The following TSGA10 variants were observed in gnomAD, a reference collection of about 807,000 sequenced individuals.
TSGA10 encodes testis-specific gene 10 protein.
TSGA10 carries 43 observed loss-of-function variants against 96.6 expected under a neutral mutation model. The ratio of observed to expected loss-of-function variants is 0.44; its 90% CI spans 0.35 to 0.57. The LOEUF (loss-of-function observed/expected upper bound fraction) is 0.57. TSGA10 is among the 20% of genes least tolerant of loss of function. TSGA10 has a pLI of 0.01. For synonymous variants in TSGA10, 229 were observed against 269.9 expected (o/e 0.85, Z 1.48); for missense variants, 703 against 834.4 (o/e 0.84, Z 1.94).
chr2:99,143,299 G>A (rs1039548441), intron 1 of TSGA10, among the ~76,000 whole-genome samples: 11 of 147,324 alleles, frequency 7.5e-5, no homozygotes, highest in Non-Finnish European at 1.5e-4. Flanking sequence ...CCACTACTAC[G>A]CCCAGCTTTT....
intron 17 of TSGA10, among the ~76,000 whole-genome samples, chr2:99,030,387 C>A (rs1362576791): frequency 1.3e-5 from 2 of 151,874 alleles, no homozygotes; most frequent in Admixed American, 1.3e-4. Flanking sequence ...CTGGCTAACG[C>A]CTGTAATCCC....
intron 20 of TSGA10, among the ~76,000 whole-genome samples, chr2:99,013,707 C>T (rs551946699): frequency 6.6e-6 from 1 of 151,724 alleles, no homozygotes; most frequent in South Asian, 2.1e-4. Flanking sequence ...TATAAAAATA[C>T]ATGGACATTA....
chr2:99,011,231 C>T (rs1194235947), intron 20 of TSGA10, among the ~76,000 whole-genome samples: 1 of 152,180 alleles, frequency 6.6e-6, no homozygotes, highest in Non-Finnish European at 1.5e-5. Context: ...CACCCGGGTT[C>T]AAGCGATTCT....
At chr2:99,092,098 T>C (rs1334062449) in intron 10 of TSGA10, among the ~76,000 whole-genome samples, 2 of 152,106 alleles carry the variant, frequency 1.3e-5, no homozygotes, top group Admixed American at 6.5e-5. Context: ...CTGACCACAG[T>C]TGAATAAAAT....
At chr2:99,078,896 C>G (rs2087081549) in intron 11 of TSGA10, 83 bp from the exon 12 acceptor site, 4 of 1,082,376 alleles carry the variant, frequency 3.7e-6, no homozygotes, top group Non-Finnish European at 5.2e-6. Context: ...ACTTTTTGAA[C>G]TTCTCCTTAC....
At chr2:99,113,279 A>T (rs535545574) in intron 4 of TSGA10, among the ~76,000 whole-genome samples, 1 of 152,282 alleles carries the variant, frequency 6.6e-6, no homozygotes, top group African/African-American at 2.4e-5. Flanking sequence ...AAAGATTAGA[A>T]TATGGAGGAA....
chr2:99,067,761 C>T (rs6749198), intron 15 of TSGA10, among the ~76,000 whole-genome samples: 3 of 151,596 alleles, frequency 2.0e-5, no homozygotes, highest in African/African-American at 7.3e-5. Flanking sequence ...GCAGGAGAAT[C>T]GCTTGAACAT....
intron 16 of TSGA10, among the ~76,000 whole-genome samples, chr2:99,041,930 A>C (rs2082222535): frequency 6.6e-6 from 1 of 152,152 alleles, no homozygotes; most frequent in Non-Finnish European, 1.5e-5. Flanking sequence ...GCATCCAATA[A>C]AATAATAATA....
intron 17 of TSGA10, among the ~76,000 whole-genome samples, chr2:99,025,117 T>TG (rs2080444741): frequency 6.6e-6 from 1 of 152,230 alleles, no homozygotes; most frequent in Non-Finnish European, 1.5e-5. Context: ...GGTGTTTGTC[T>TG]GGCTTTGGCC....
intron 10 of TSGA10, among the ~76,000 whole-genome samples, chr2:99,103,081 TAAAAAA>T (rs538726196): frequency 7.9e-6 from 1 of 126,740 alleles, no homozygotes; most frequent in African/African-American, 2.8e-5. Context: ...GTTTTATGAC[TAAAAAA>T]AAAAAAAAAA....
At chr2:99,057,010 C>A (rs1446256878) in intron 16 of TSGA10, among the ~76,000 whole-genome samples, 1 of 151,890 alleles carries the variant, frequency 6.6e-6, no homozygotes, top group Non-Finnish European at 1.5e-5. Context: ...AAGCATTTGA[C>A]AAAATCCAAC....
intron 1 of TSGA10, among the ~76,000 whole-genome samples, chr2:99,146,270 GT>G (rs2093631008): frequency 6.6e-6 from 1 of 152,266 alleles, no homozygotes; most frequent in Non-Finnish European, 1.5e-5. Flanking sequence ...TTAATTATCT[GT>G]TTGGGATTCC....
At chr2:99,014,514 G>A (rs1465900058) in intron 20 of TSGA10, among the ~76,000 whole-genome samples, 1 of 152,144 alleles carries the variant, frequency 6.6e-6, no homozygotes, top group Non-Finnish European at 1.5e-5. Context: ...AAAGTTCATA[G>A]CATTTAGTGC....
chr2:99,020,403 T>C lies in TSGA10; in HGVS notation c.1694A>G (p.Gln565Arg), dbSNP rs771976306. ...GGCCACCAGCAAAGCTTCTAGATTCTGCATGGAGATTCTCTCATTTGCCAT... is the reference window on the plus strand; with the variant it reads ...GGCCACCAGCAAAGCTTCTAGATTCCGCATGGAGATTCTCTCATTTGCCAT... ...SQMANERISM[Q>R]NLEALLVANR... Residue 565 changes from glutamine to arginine, a missense_variant, in exon 18 of 21, where the codon CAG becomes CGG. Physicochemically the swap from Gln to Arg is conservative, Grantham distance 43. Around this residue, in one of 3 missense-constraint regions of TSGA10, gnomAD observed 49 missense variants for 96.4 expected, o/e 0.51. Transcript: ENST00000393483. The C allele has an allele frequency of 1.2e-6, 2 of 1,613,970 alleles. No homozygotes were observed. Among genetic ancestry groups the C allele is most frequent in the Non-Finnish European group, 8.5e-7 (1 of 1,179,900 alleles).
intron 14 of TSGA10, among the ~76,000 whole-genome samples, chr2:99,069,658 T>C (rs2085691138): frequency 6.6e-6 from 1 of 150,920 alleles, no homozygotes; most frequent in Admixed American, 6.6e-5. Flanking sequence ...AATAAATAAA[T>C]AAATAATAAT....
chr2:99,077,325 A>G (rs1490299902), intron 12 of TSGA10, among the ~76,000 whole-genome samples: 1 of 151,770 alleles, frequency 6.6e-6, no homozygotes, highest in African/African-American at 2.4e-5. Context: ...AGTTTCTAAC[A>G]TAACATCTGG....
At chr2:99,143,488 G>C (rs2093599706) in intron 1 of TSGA10, among the ~76,000 whole-genome samples, 1 of 146,526 alleles carries the variant, frequency 6.8e-6, no homozygotes, top group Non-Finnish European at 1.5e-5. Flanking sequence ...TTTTAAGACA[G>C]AGTCTCACTC....
chr2:99,094,675 G>T (rs1244378324), intron 10 of TSGA10, among the ~76,000 whole-genome samples: 2 of 152,138 alleles, frequency 1.3e-5, no homozygotes, highest in Non-Finnish European at 1.5e-5. Flanking sequence ...AATGATCAGG[G>T]AAATGCAAAT....
chr2:99,050,943 G>A (rs1037455812), intron 16 of TSGA10, among the ~76,000 whole-genome samples: 1 of 151,958 alleles, frequency 6.6e-6, no homozygotes, highest in Non-Finnish European at 1.5e-5. Context: ...AAATACTATT[G>A]TATTACTATT....
Sources: allele counts gnomAD v4.1 joint callset (sites outside exome capture counted in the v4.1 genomes callset), GRCh38; gene constraint gnomAD v4.1.1; regional missense constraint gnomAD v4.1.1; transcripts MANE v1.5; gene names NCBI Gene and HGNC (gene_info 2026-07-23, HGNC 2026-07-21).